Variants in EXTL3 observed in about 807,000 individuals in gnomAD.
EXTL3 encodes exostosin like glycosyltransferase 3, also known as exostosin-like 3.
A neutral mutation model predicts 69.3 loss-of-function variants in EXTL3; 27 were observed. That is an observed-to-expected ratio of 0.39 (90% CI 0.29 to 0.54). The LOEUF (loss-of-function observed/expected upper bound fraction) is 0.54, where lower values mean the gene tolerates loss of function less well. Among genes scored for constraint, EXTL3 ranks in the 20% least tolerant of loss-of-function variants. EXTL3 has a pLI of 0.69. For missense variants in EXTL3, 1,003 were observed against 1,231.8 expected, an observed-to-expected ratio of 0.81 and a Z score of 2.78; for synonymous variants, 511 against 499.4, an observed-to-expected ratio of 1.02 and a Z score of -0.31.
intron 1 of EXTL3, among the ~76,000 whole-genome samples, chr8:28,673,156 T>C (rs1028125945): frequency 6.6e-6 from 1 of 152,180 alleles, no homozygotes; most frequent in African/African-American, 2.4e-5. Flanking sequence ...AGCAGAATTC[T>C]AGAGAACTTC....
chr8:28,681,388 C>T (rs533508477), intron 1 of EXTL3, among the ~76,000 whole-genome samples: 4 of 151,760 alleles, frequency 2.6e-5, no homozygotes, highest in East Asian at 2.0e-4. Context: ...CATGGTGGCA[C>T]GTGTCTGTAA....
upstream of EXTL3, among the ~76,000 whole-genome samples, chr8:28,619,499 G>C (rs934650166): frequency 1.3e-5 from 2 of 151,926 alleles, no homozygotes; most frequent in African/African-American, 4.8e-5. Flanking sequence ...CACCCCTGCT[G>C]CTCCTCCCTG....
chr8:28,660,660 T>A (rs2130620674), intron 1 of EXTL3, among the ~76,000 whole-genome samples: 1 of 152,170 alleles, frequency 6.6e-6, no homozygotes, highest in Admixed American at 6.5e-5. Flanking sequence ...ACTCTTTTCA[T>A]CTTGTAAAAC....
chr8:28,735,760 C>T (rs1801638623), intron 4 of EXTL3, among the ~76,000 whole-genome samples: 1 of 152,200 alleles, frequency 6.6e-6, no homozygotes, highest in Non-Finnish European at 1.5e-5. Flanking sequence ...CTCACTTCAA[C>T]TTAGGTAGCC....
chr8:28,699,544 T>G (rs1228719658), upstream of EXTL3: 1 of 152,500 alleles, frequency 6.6e-6, no homozygotes, highest in African/African-American at 2.4e-5. Flanking sequence ...AGACTTGCTC[T>G]ATTGCCCAGG....
chr8:28,633,075 A>G (rs890998049), intron 1 of EXTL3, among the ~76,000 whole-genome samples: 2 of 152,190 alleles, frequency 1.3e-5, no homozygotes, highest in Non-Finnish European at 2.9e-5. Context: ...GTTGTGGCTC[A>G]CACTTGTAAT....
intron 3 of EXTL3, among the ~76,000 whole-genome samples, chr8:28,721,179 G>A (rs1381426481): frequency 6.6e-6 from 1 of 152,188 alleles, no homozygotes; most frequent in Non-Finnish European, 1.5e-5. Context: ...TGTTTTAGTA[G>A]GTGGTTAGCT....
chr8:28,694,906 G>A (rs1220154713), intron 1 of EXTL3, among the ~76,000 whole-genome samples: 2 of 151,988 alleles, frequency 1.3e-5, no homozygotes, highest in Non-Finnish European at 2.9e-5. Flanking sequence ...CAGCTACTCG[G>A]GAGGCTGAAG....
chr8:28,616,893 C>A (rs974208663), intron 2 of EXTL3, among the ~76,000 whole-genome samples: 14 of 152,220 alleles, frequency 9.2e-5, no homozygotes, highest in Non-Finnish European at 1.6e-4. Flanking sequence ...ACAAAACGGA[C>A]TTCCAGGCTT....
intron 1 of EXTL3, among the ~76,000 whole-genome samples, chr8:28,643,972 C>G (rs1585228295): frequency 6.6e-6 from 1 of 152,104 alleles, no homozygotes; most frequent in African/African-American, 2.4e-5. Flanking sequence ...ACTCTGTTGC[C>G]CAGGCTGGTC....
At chr8:28,703,387 A>G (rs1412468745) in intron 1 of EXTL3, among the ~76,000 whole-genome samples, 4 of 151,558 alleles carry the variant, frequency 2.6e-5, no homozygotes, top group African/African-American at 7.3e-5. Flanking sequence ...CGGAGTAAAA[A>G]GATTTTAAGG....
intron 2 of EXTL3, among the ~76,000 whole-genome samples, chr8:28,609,898 A>T (rs912228596): frequency 1.6e-5 from 2 of 127,328 alleles, no homozygotes; most frequent in East Asian, 2.1e-4. Context: ...TCAAAAAAAT[A>T]ATTAAAAAAA....
chr8:28,749,403 A>G (rs1801956559), intron 6 of EXTL3, among the ~76,000 whole-genome samples: 1 of 152,250 alleles, frequency 6.6e-6, no homozygotes, highest in African/African-American at 2.4e-5. Flanking sequence ...TAAAAAGATC[A>G]GACTTAGGTG....
intron 1 of EXTL3, among the ~76,000 whole-genome samples, chr8:28,651,398 T>C (rs1335911747): frequency 1.3e-5 from 2 of 152,122 alleles, no homozygotes; most frequent in South Asian, 4.1e-4. Flanking sequence ...CTATCATGAC[T>C]CACTGCAGCC....
chr8:28,684,862 CT>C (rs1807550549), intron 1 of EXTL3, among the ~76,000 whole-genome samples: 1 of 104,420 alleles, frequency 9.6e-6, no homozygotes, highest in Admixed American at 9.3e-5. Context: ...TATTTTTTCT[CT>C]CTCTAGACAC....
rs1801813406 is a variant in EXTL3 at position 28,743,077 on chromosome 8, C to G, written c.2422-9C>G. Reference sequence around the variant, plus strand: ...ACAGAGCATGTGGTTCTTTTTCTTCCCCTGACAGTATTATGCCTACCTGTA... The same window carrying G: ...ACAGAGCATGTGGTTCTTTTTCTTCGCCTGACAGTATTATGCCTACCTGTA... On this transcript the variant is annotated splice_polypyrimidine_tract_variant and intron_variant, in intron 5 of 6. Transcript: ENST00000220562. 1.2e-6 allele frequency: 2 copies of G among 1,614,050 alleles called. No individual in the cohort carries two copies. Among genetic ancestry groups the G allele is most frequent in the Non-Finnish European group, 1.7e-6 (2 of 1,179,930 alleles).
chr8:28,612,463 TAAAAAAA>T (rs111303829), intron 2 of EXTL3, among the ~76,000 whole-genome samples: 1 of 127,156 alleles, frequency 7.9e-6, no homozygotes, highest in South Asian at 2.4e-4. Flanking sequence ...CTCCATCTCT[TAAAAAAA>T]AAAAAAAGAA....
intron 3 of EXTL3, among the ~76,000 whole-genome samples, chr8:28,730,432 T>A (rs1163734854): frequency 6.6e-6 from 1 of 152,084 alleles, no homozygotes; most frequent in Non-Finnish European, 1.5e-5. Flanking sequence ...TTTATATGAG[T>A]ATTAGGTGGC....
chr8:28,643,695 G>T lies in EXTL3; in HGVS notation c.-53+20885G>T, dbSNP rs557353380. 2.1e-3 allele frequency among the ~76,000 whole-genome samples: 318 copies of T among 152,218 alleles called. 1 individual carries two copies. The highest frequency in any genetic ancestry group is 7.4e-3 in the African/African-American group (307 of 41,518). The stretch of plus-strand genomic sequence containing the variant: ...AGCCTCCCAAAGTGCTGGTATTACA[G>T]GCGTGAGCCACCGCGCCTGGCCTCT... On this transcript the variant is annotated intron_variant, in intron 1 of 6. Coordinates refer to the EXTL3 transcript ENST00000523149.
Sources: gnomAD v4.1 joint callset for allele counts (sites outside exome capture counted in the v4.1 genomes callset) on GRCh38, gnomAD v4.1.1 for gene constraint, MANE v1.5 for transcripts, NCBI Gene and HGNC (gene_info 2026-07-23, HGNC 2026-07-21) for gene names.